Variants in DRC8 observed in about 807,000 individuals in gnomAD.
DRC8 encodes the protein dynein regulatory complex protein 8.
the DRC8 span, among the ~76,000 whole-genome samples, chr1:245,113,567 A>G: frequency 1.3e-5 from 2 of 152,220 alleles, no homozygotes; most frequent in Non-Finnish European, 2.9e-5. Context: ...GGAGCTGGCT[A>G]TAGAAAATAT....
the DRC8 span, among the ~76,000 whole-genome samples, chr1:244,977,851 G>A: frequency 6.6e-6 from 1 of 152,040 alleles, no homozygotes; most frequent in African/African-American, 2.4e-5. Context: ...TCCAACTAAT[G>A]GGGCATACAA....
the DRC8 span, among the ~76,000 whole-genome samples, chr1:245,090,173 T>C: frequency 6.4e-3 from 972 of 152,148 alleles, 11 homozygotes; most frequent in African/African-American, 0.023. Flanking sequence ...GTTCCGATGG[T>C]GTCCGTGGGG....
chr1:244,973,855 TTACC>T, the DRC8 span, among the ~76,000 whole-genome samples: 609 of 152,306 alleles, frequency 4.0e-3, 12 homozygotes, highest in East Asian at 0.056. Context: ...ATAAGAAAAA[TTACC>T]TAAATTAGAA....
chr1:245,007,182 A>G, the DRC8 span, among the ~76,000 whole-genome samples: 3 of 152,092 alleles, frequency 2.0e-5, no homozygotes, highest in African/African-American at 7.2e-5. Flanking sequence ...AGACAAGTCC[A>G]GGTTGTGGGC....
chr1:244,993,218 T>A, the DRC8 span, among the ~76,000 whole-genome samples: 1 of 152,200 alleles, frequency 6.6e-6, no homozygotes, highest in Non-Finnish European at 1.5e-5. Context: ...CGCAGTGGTA[T>A]AAATAGCAAG....
At chr1:244,976,620 A>G in the DRC8 span, among the ~76,000 whole-genome samples, 4 of 152,322 alleles carry the variant, frequency 2.6e-5, no homozygotes, top group Non-Finnish European at 4.4e-5. Flanking sequence ...GGCTATTATC[A>G]CCAGAAGTCC....
chr1:245,094,261 C>T, the DRC8 span, among the ~76,000 whole-genome samples: 11 of 152,258 alleles, frequency 7.2e-5, 1 homozygote, highest in South Asian at 1.3e-3. Flanking sequence ...GTGGAATTGT[C>T]GGCCCCACTG....
the DRC8 span, among the ~76,000 whole-genome samples, chr1:245,016,498 C>T: frequency 6.6e-6 from 1 of 152,182 alleles, no homozygotes; most frequent in Admixed American, 6.5e-5. Flanking sequence ...GCCCAGCACT[C>T]CTCGTGTCCC....
the DRC8 span, chr1:245,030,928 A>G: frequency 3.3e-5 from 5 of 152,426 alleles, no homozygotes; most frequent in East Asian, 9.6e-4. Context: ...TTGCACACCT[A>G]TAGAGGGACG....
chr1:245,068,608 ATT>A, the DRC8 span, among the ~76,000 whole-genome samples: 26 of 140,906 alleles, frequency 1.8e-4, no homozygotes, highest in Admixed American at 2.9e-4. Flanking sequence ...CTCCCAGCTA[ATT>A]TTTTTTTTTT....
the DRC8 span, among the ~76,000 whole-genome samples, chr1:245,106,205 T>G: frequency 1.3e-5 from 2 of 152,244 alleles, no homozygotes; most frequent in Non-Finnish European, 1.5e-5. Context: ...GGTAACATTC[T>G]TCTTCCCTTA....
chr1:245,057,402 G>A, the DRC8 span, among the ~76,000 whole-genome samples: 27 of 152,246 alleles, frequency 1.8e-4, no homozygotes, highest in African/African-American at 6.3e-4. Context: ...AACCCAATGT[G>A]TCTAAAGTGT....
the DRC8 span, among the ~76,000 whole-genome samples, chr1:245,052,676 T>G: frequency 6.6e-6 from 1 of 152,148 alleles, no homozygotes; most frequent in Non-Finnish European, 1.5e-5. Flanking sequence ...TGGAGAAGAA[T>G]AGAGGGGGCC....
At chr1:245,054,265 G>A in the DRC8 span, among the ~76,000 whole-genome samples, 4 of 151,706 alleles carry the variant, frequency 2.6e-5, no homozygotes, top group African/African-American at 9.7e-5. Flanking sequence ...TGCAACCTTC[G>A]CCCCCACTTC....
At chr1:245,028,554 G>A in the DRC8 span, among the ~76,000 whole-genome samples, 1 of 152,122 alleles carries the variant, frequency 6.6e-6, no homozygotes, top group Admixed American at 6.6e-5. Flanking sequence ...GAGTGGGATG[G>A]TGTGCAGGAT....
At chr1:245,005,583 TC>T in the DRC8 span, among the ~76,000 whole-genome samples, 1 of 152,156 alleles carries the variant, frequency 6.6e-6, no homozygotes, top group Non-Finnish European at 1.5e-5. Context: ...CCTTGAGTGA[TC>T]TGCCTGCCTC....
the DRC8 span, among the ~76,000 whole-genome samples, chr1:245,091,989 G>A: frequency 8.3e-3 from 1,263 of 152,268 alleles, 10 homozygotes; most frequent in Non-Finnish European, 0.011. Context: ...CAGCTTGGCC[G>A]GGCCCTGTGG....
At chr1:244,973,142 G>A in the DRC8 span, among the ~76,000 whole-genome samples, 1 of 152,142 alleles carries the variant, frequency 6.6e-6, no homozygotes, top group Non-Finnish European at 1.5e-5. Context: ...AAACCTGAAT[G>A]ATTTATTAAT....
chr1:245,107,322 C>T, the DRC8 span: 1 of 152,398 alleles, frequency 6.6e-6, no homozygotes, highest in South Asian at 2.1e-4. Flanking sequence ...GGGGTGGGGT[C>T]ACTGGCCCAG....
Sources: allele counts gnomAD v4.1 joint callset (sites outside exome capture counted in the v4.1 genomes callset), GRCh38; gene constraint gnomAD v4.1.1; transcripts MANE v1.5; gene names NCBI Gene and HGNC (gene_info 2026-07-23, HGNC 2026-07-21).